CDCA4: variants seen among roughly 807,000 people sequenced by gnomAD.
The protein encoded by CDCA4 is cell division cycle associated 4, also known as cell division cycle-associated protein 4.
For synonymous variants in CDCA4, 130 were observed against 137.0 expected (o/e 0.95, Z 0.36); for missense variants, 294 against 322.1 (o/e 0.91, Z 0.67).
At chr14:105,018,723 T>C (rs1886147988) in intron 1 of CDCA4, among the ~76,000 whole-genome samples, 1 of 146,910 alleles carries the variant, frequency 6.8e-6, no homozygotes, top group East Asian at 2.0e-4. Flanking sequence ...CTGTGGAGCC[T>C]AGCTCCCTGC....
intron 1 of CDCA4, among the ~76,000 whole-genome samples, chr14:105,019,795 C>T (rs1886179257): frequency 6.6e-6 from 1 of 151,264 alleles, no homozygotes; most frequent in African/African-American, 2.5e-5. Context: ...GAGACCTCTG[C>T]CTTTCTGGTT....
chr14:105,011,641 A>T lies in CDCA4; in HGVS notation c.289T>A (p.Ser97Thr). 6.2e-7 allele frequency: 1 copy of T among 1,613,890 alleles called. No homozygotes were observed. The change falls in exon 2 of 2, where the codon TCC (serine) becomes ACC (threonine). Residue 97 changes from serine to threonine, a missense_variant. Transcript: ENST00000336219. Reference sequence around the variant, plus strand: ...GCTGCACGGCACAGGATCTCCGTGGAGACCAAGCGGTCGAGCGGCGCCCGC... The same window carrying T: ...GCTGCACGGCACAGGATCTCCGTGGTGACCAAGCGGTCGAGCGGCGCCCGC... ...AERAPLDRLV[S>T]TEILCRAAWG...
At chr14:105,012,221 A>G (rs1037516012) in intron 1 of CDCA4, among the ~76,000 whole-genome samples, 1 of 152,266 alleles carries the variant, frequency 6.6e-6, no homozygotes, top group African/African-American at 2.4e-5. Context: ...CAAAAAAGAT[A>G]AATGAACTAA....
At chr14:105,017,316 G>T (rs1045373465) in intron 1 of CDCA4, among the ~76,000 whole-genome samples, 2 of 152,002 alleles carry the variant, frequency 1.3e-5, no homozygotes, top group East Asian at 3.9e-4. Context: ...AGGTTCAAGC[G>T]ATTCTCCTGC....
At chr14:105,020,802 C>T (rs895985073) in intron 1 of CDCA4, among the ~76,000 whole-genome samples, 197 bp downstream of exon 1, 16 of 151,942 alleles carry the variant, frequency 1.1e-4, no homozygotes, top group African/African-American at 3.9e-4. Flanking sequence ...CAGCGGCCAC[C>T]CCGCGGGGGA....
chr14:105,012,850 G>A (rs187778170), intron 1 of CDCA4, among the ~76,000 whole-genome samples: 34 of 151,894 alleles, frequency 2.2e-4, no homozygotes, highest in African/African-American at 6.5e-4. Flanking sequence ...TGACCAGCCC[G>A]TACAACCATG....
At chr14:105,015,395 G>A (rs79078491) in intron 1 of CDCA4, among the ~76,000 whole-genome samples, 5 of 42,646 alleles carry the variant, frequency 1.2e-4, no homozygotes, top group Non-Finnish European at 3.0e-4. Context: ...ACCACATACA[G>A]AAACAGAACT....
At chr14:105,020,302 C>T (rs1259334450) in intron 1 of CDCA4, among the ~76,000 whole-genome samples, 1 of 152,204 alleles carries the variant, frequency 6.6e-6, no homozygotes, top group East Asian at 1.9e-4. Flanking sequence ...TATCTGGGTC[C>T]CGCCGTCCCG....
chr14:105,020,782 G>A, intron 1 of CDCA4, among the ~76,000 whole-genome samples: 1 of 151,780 alleles, frequency 6.6e-6, no homozygotes, highest in East Asian at 1.9e-4. Context: ...TGTTCCCCGG[G>A]CCCCCTCAGC....
At position 105,011,023 on chromosome 14, in the gene CDCA4, G is replaced by A. The variant is rs1900483914; in HGVS notation, c.*181C>T. 1 of 701,582 alleles carries A rather than the reference G, an allele frequency of 1.4e-6. No homozygotes were observed. Among genetic ancestry groups the A allele is most frequent in the East Asian group, 2.8e-5 (1 of 36,246 alleles). 43.5% of individuals were successfully genotyped at this position (701,582 alleles called of 1,614,324 possible). ...AGCCTCTGCCTGGCGCTCCACAGGG[G>A]GGAGGTGAGTGGGACGGGCCTAGGG... is the stretch of plus-strand genomic sequence containing the variant. On this transcript the variant is annotated 3_prime_UTR_variant, in exon 2 of 2. Coordinates refer to ENST00000336219, the MANE Select transcript of CDCA4 (RefSeq NM_017955.4).
rs147667723 is a variant in CDCA4 at position 105,011,618 on chromosome 14, T to G, written c.312A>C (p.Ala104=). 5 of 1,613,726 alleles carry G rather than the reference T, an allele frequency of 3.1e-6. No homozygotes were observed. The highest frequency in any genetic ancestry group is 4.2e-6 in the Non-Finnish European group (5 of 1,180,030). ...RLVSTEILCR[A]AWGQEGAHPA... Reference sequence around the variant, plus strand: ...GATGTGCCCCCTCTTGCCCCCACGCTGCACGGCACAGGATCTCCGTGGAGA... The same window carrying G: ...GATGTGCCCCCTCTTGCCCCCACGCGGCACGGCACAGGATCTCCGTGGAGA... The change falls in exon 2 of 2, where the codon GCA becomes GCC. Residue 104 remains alanine, a synonymous_variant. Transcript: ENST00000336219.
In CDCA4 at chr14:105,011,242, C is replaced by T. The variant is rs1752969459; in HGVS notation, c.688G>A (p.Glu230Lys). The change falls in exon 2 of 2, where the codon GAG (glutamate) becomes AAG (lysine). Residue 230 changes from glutamate (E) to lysine (K), a missense_variant. Glu to Lys is a moderately conservative substitution (Grantham distance 56). Transcript: ENST00000336219. ...AGGATCTCCACCACGTGGTCCAGCT[C>T]GCCCAGGTCGGACTTGCAGCTGGAG... ...PSSSCKSDLGELDHVVEILVE... is the reference protein window; with the variant it reads ...PSSSCKSDLGKLDHVVEILVE... 4 of 1,612,790 alleles carry T rather than the reference C, an allele frequency of 2.5e-6. No homozygotes were observed. Among genetic ancestry groups the T allele is most frequent in the South Asian group, 1.1e-5 (1 of 90,960 alleles).
At chr14:105,018,553 G>C (rs1886143989) in intron 1 of CDCA4, among the ~76,000 whole-genome samples, 1 of 152,126 alleles carries the variant, frequency 6.6e-6, no homozygotes, top group African/African-American at 2.4e-5. Flanking sequence ...GGTTATATCT[G>C]TGTTTGGGAC....
rs762753829 is a variant in CDCA4 at position 105,009,695 on chromosome 14, C to T, written c.*1509G>A. On this transcript the variant is annotated 3_prime_UTR_variant, in exon 2 of 2. Coordinates refer to ENST00000336219, the MANE Select transcript of CDCA4 (RefSeq NM_017955.4). ...GTCCATGAGGATTAACTTTCGACAT[C>T]GGGGGCTGTCAGAGGTCGTGGACAC... The T allele has an allele frequency of 1.3e-5, 2 of 152,098 alleles. No homozygotes were observed. The highest frequency in any genetic ancestry group is 6.5e-5 in the Admixed American group (1 of 15,278). 9.4% of individuals were successfully genotyped at this position (152,098 alleles called of 1,614,324 possible). A position where few individuals can be genotyped will look rare whatever the true frequency, so the allele number is the denominator to read the frequency against.
chr14:105,011,893 G>A lies in CDCA4; in HGVS notation c.37C>T (p.His13Tyr), dbSNP rs1268106662. The A allele has an allele frequency of 6.2e-7, 1 of 1,613,336 alleles. No homozygotes were observed. Among genetic ancestry groups the A allele is most frequent in the Non-Finnish European group, 8.5e-7 (1 of 1,179,636 alleles). ...ARGLKRKCVG[H>Y]EEDVEGALAG... ...AGGGCTCCCTCCACGTCTTCCTCGTGGCCAACACATTTCCTCTTCAGTCCT... is the reference window on the plus strand; with the variant it reads ...AGGGCTCCCTCCACGTCTTCCTCGTAGCCAACACATTTCCTCTTCAGTCCT... Residue 13 changes from histidine to tyrosine, a missense_variant, in exon 2 of 2, where the codon CAC becomes TAC. Physicochemically the swap from His to Tyr is moderately conservative, Grantham distance 83. Transcript: ENST00000336219.
intron 1 of CDCA4, among the ~76,000 whole-genome samples, chr14:105,017,745 T>C (rs1158457994): frequency 6.6e-6 from 1 of 151,922 alleles, no homozygotes; most frequent in Non-Finnish European, 1.5e-5. Context: ...GCAGGAGAAT[T>C]GCTTGAACCT....
chr14:105,020,441 T>G (rs1255277275), intron 1 of CDCA4, among the ~76,000 whole-genome samples: 1 of 152,200 alleles, frequency 6.6e-6, no homozygotes, highest in African/African-American at 2.4e-5. Flanking sequence ...GGAGGGAGGC[T>G]TGCGTCTGAC....
At chr14:105,019,656 A>G (rs929574987) in intron 1 of CDCA4, among the ~76,000 whole-genome samples, 1 of 152,246 alleles carries the variant, frequency 6.6e-6, no homozygotes, top group African/African-American at 2.4e-5. Flanking sequence ...ACCTTCCACT[A>G]CAAGTCTCCT....
chr14:105,014,735 G>C (rs1341298954), intron 1 of CDCA4, among the ~76,000 whole-genome samples: 1 of 152,156 alleles, frequency 6.6e-6, no homozygotes, highest in Non-Finnish European at 1.5e-5. Flanking sequence ...AAACTACAAA[G>C]GACACCCTGC....
Sources: allele counts gnomAD v4.1 joint callset (sites outside exome capture counted in the v4.1 genomes callset), GRCh38; gene constraint gnomAD v4.1.1; transcripts MANE v1.5; gene names NCBI Gene and HGNC (gene_info 2026-07-23, HGNC 2026-07-21).